The following RBFOX1 variants were observed in gnomAD, a reference collection of about 807,000 sequenced individuals.
RBFOX1 encodes RNA binding protein fox-1 homolog 1.
RBFOX1 carries 8 observed loss-of-function variants against 57.7 expected under a neutral mutation model. The ratio of observed to expected loss-of-function variants is 0.14; its 90% CI spans 0.08 to 0.25. The LOEUF (loss-of-function observed/expected upper bound fraction) is 0.25. Ranked by LOEUF, RBFOX1 falls within the 10% of genes least tolerant of loss-of-function variation. The probability of loss-of-function intolerance (pLI) is 1.00; values close to 1 mark genes in which losing one functional copy is unlikely to be tolerated. For missense variants in RBFOX1, 611 were observed against 548.5 expected, an observed-to-expected ratio of 1.11 and a Z score of -1.14; for synonymous variants, 326 against 222.4, an observed-to-expected ratio of 1.47 and a Z score of -4.15.
chr16:5,706,731 T>C (rs4477707), intron 3 of RBFOX1, among the ~76,000 whole-genome samples: 32,329 of 151,956 alleles, frequency 0.21, 4,474 homozygotes, highest in East Asian at 0.63. Flanking sequence ...TTTTTTTTCC[T>C]ACGATGGTTG....
At chr16:7,167,725 T>C (rs1456375512) in intron 4 of RBFOX1, among the ~76,000 whole-genome samples, 1 of 152,358 alleles carries the variant, frequency 6.6e-6, no homozygotes, top group South Asian at 2.1e-4. Context: ...CCTGTTTTTG[T>C]AGATTTTATT....
intron 3 of RBFOX1, among the ~76,000 whole-genome samples, chr16:7,029,759 C>T (rs2042312742): frequency 6.6e-6 from 1 of 152,048 alleles, no homozygotes; most frequent in Admixed American, 6.6e-5. Flanking sequence ...TTCACTTGTT[C>T]AATGATTAAA....
intron 4 of RBFOX1, among the ~76,000 whole-genome samples, chr16:7,508,013 G>A (rs1434217695): frequency 6.6e-6 from 1 of 151,286 alleles, no homozygotes; most frequent in African/African-American, 2.4e-5. Context: ...TTGAGATGGA[G>A]TCTCACCCTA....
intron 1 of RBFOX1, among the ~76,000 whole-genome samples, chr16:5,439,117 C>G (rs1046531616): frequency 6.6e-6 from 1 of 151,846 alleles, no homozygotes; most frequent in African/African-American, 2.4e-5. Flanking sequence ...TGGGAAGAAG[C>G]CAGCCTTGGG....
intron 4 of RBFOX1, among the ~76,000 whole-genome samples, chr16:7,130,898 C>G (rs10438594): frequency 0.88 from 134,646 of 152,204 alleles, 59,648 homozygotes; most frequent in East Asian, 1. Context: ...GCGACAGTGA[C>G]ACAGCAATGA....
At chr16:6,561,895 C>G (rs1204460171) in intron 2 of RBFOX1, among the ~76,000 whole-genome samples, 1 of 152,158 alleles carries the variant, frequency 6.6e-6, no homozygotes. Context: ...ATTGGCAGCA[C>G]TTTGCCTAAT....
At chr16:5,410,665 C>T (rs770924437) in intron 1 of RBFOX1, among the ~76,000 whole-genome samples, 8 of 152,158 alleles carry the variant, frequency 5.3e-5, no homozygotes, top group Non-Finnish European at 8.8e-5. Context: ...TTCTAAGCTC[C>T]GTGTTCCTGT....
Position 7,512,578 on chromosome 16 carries a change from G to T in RBFOX1, c.28-5569G>T, listed in dbSNP as rs139901576. Among the ~76,000 whole-genome samples, 298 of 152,318 alleles carry T rather than the reference G, an allele frequency of 2.0e-3. 1 individual carries two copies. Among genetic ancestry groups the T allele is most frequent in the Non-Finnish European group, 3.2e-3 (221 of 68,030 alleles). On this transcript the variant is annotated intron_variant, in intron 4 of 15. Transcript: ENST00000550418. ...GAACTCCAGGTACAGGATGAAATCT[G>T]GAGTCCCATGTTCCTGGATGCTAAC...
chr16:6,485,736 G>T (rs563545222), intron 2 of RBFOX1, among the ~76,000 whole-genome samples: 85 of 152,060 alleles, frequency 5.6e-4, no homozygotes, highest in Non-Finnish European at 9.0e-4. Flanking sequence ...CCAAATTGAG[G>T]GTTTATACGA....
At chr16:7,620,256 C>G (rs1257816022) in intron 10 of RBFOX1, among the ~76,000 whole-genome samples, 1 of 152,182 alleles carries the variant, frequency 6.6e-6, no homozygotes, top group Non-Finnish European at 1.5e-5. Flanking sequence ...ATCCTCACAG[C>G]AATATTCGAT....
At chr16:7,499,210 G>A (rs2069769303) in intron 4 of RBFOX1, among the ~76,000 whole-genome samples, 1 of 152,130 alleles carries the variant, frequency 6.6e-6, no homozygotes, top group South Asian at 2.1e-4. Context: ...GCCCCATGCT[G>A]CTCTCCTATC....
At position 7,380,691 on chromosome 16, in the gene RBFOX1, C is replaced by T. The variant is rs895831636; in HGVS notation, c.28-137456C>T. On this transcript the variant is annotated intron_variant, in intron 4 of 15. Transcript: ENST00000550418. The stretch of plus-strand genomic sequence containing the variant: ...GTCTTTGCTAGGACGATAACCCAGT[C>T]GTTTCATACAACTGTTTTCGTTTGC... Among the ~76,000 whole-genome samples the T allele has an allele frequency of 5.9e-5, 9 of 152,226 alleles. No individual in the cohort carries two copies. In the East Asian group the frequency reaches 9.6e-4, roughly 16 times the overall value.
chr16:7,239,586 A>C (rs1293925087), intron 4 of RBFOX1, among the ~76,000 whole-genome samples: 1 of 152,184 alleles, frequency 6.6e-6, no homozygotes, highest in Non-Finnish European at 1.5e-5. Context: ...GCATGTGTGA[A>C]AGAATAAAAG....
intron 2 of RBFOX1, among the ~76,000 whole-genome samples, chr16:6,443,713 A>G (rs2094431975): frequency 6.6e-6 from 1 of 152,164 alleles, no homozygotes; most frequent in South Asian, 2.1e-4. Context: ...TTACTAAGTC[A>G]TTCTTTAATT....
At chr16:7,104,892 G>A (rs1275040319) in intron 4 of RBFOX1, among the ~76,000 whole-genome samples, 3 of 152,176 alleles carry the variant, frequency 2.0e-5, no homozygotes, top group African/African-American at 7.2e-5. Flanking sequence ...TGGATCTCAG[G>A]TACAGCCCCA....
rs114095817 is a variant in RBFOX1 at position 6,310,676 on chromosome 16, A to G, written c.-126-6319A>G. Among the ~76,000 whole-genome samples, 731 of 152,302 alleles carry G rather than the reference A, an allele frequency of 4.8e-3. 5 individuals carry two copies. The highest frequency in any genetic ancestry group is 0.017 in the African/African-American group (699 of 41,560). On this transcript the variant is annotated intron_variant, in intron 1 of 15. Transcript: ENST00000550418. ...CTGTAGGATGTCAAACTATTTGTCA[A>G]ACTGTACTGTCACTCATGAATATGA...
intron 3 of RBFOX1, among the ~76,000 whole-genome samples, chr16:6,750,890 A>T (rs72766707): frequency 3.3e-5 from 5 of 152,068 alleles, no homozygotes; most frequent in African/African-American, 1.2e-4. Flanking sequence ...TAGAAGATAC[A>T]GTAGTGTTTT....
intron 4 of RBFOX1, among the ~76,000 whole-genome samples, chr16:7,413,590 C>A (rs969890384): frequency 2.0e-5 from 3 of 151,874 alleles, no homozygotes; most frequent in African/African-American, 2.4e-5. Flanking sequence ...TGCTGCCACC[C>A]CCCTGCCCCC....
intron 5 of RBFOX1, among the ~76,000 whole-genome samples, chr16:7,533,729 G>C (rs543887091): frequency 3.3e-5 from 5 of 152,190 alleles, no homozygotes; most frequent in Admixed American, 1.3e-4. Context: ...GATTTCTACT[G>C]AATGTGTATT....
Sources: allele counts gnomAD v4.1 joint callset (sites outside exome capture counted in the v4.1 genomes callset), GRCh38; gene constraint gnomAD v4.1.1; transcripts MANE v1.5; gene names NCBI Gene and HGNC (gene_info 2026-07-23, HGNC 2026-07-21).